Variants in BRWD1 observed in about 807,000 individuals in gnomAD.
BRWD1 encodes bromodomain and WD repeat domain containing 1, also known as bromodomain and WD repeat-containing protein 1.
In BRWD1, 82 loss-of-function variants were observed where a neutral mutation model predicts 251.2. The observed-to-expected ratio is 0.33, with a 90% confidence interval of 0.27 to 0.39. The LOEUF is 0.39. BRWD1 is among the 10% of genes least tolerant of loss of function. The pLI is 1.00. For synonymous variants in BRWD1, 918 were observed against 902.8 expected, an observed-to-expected ratio of 1.02 and a Z score of -0.30; for missense variants, 2,233 against 2,711.6, an observed-to-expected ratio of 0.82 and a Z score of 3.92.
In BRWD1 at chr21:39,192,176, C is replaced by T; in HGVS notation, c.*4083G>A. The T allele has an allele frequency of 1.0e-6, 1 of 985,244 alleles. No individual in the cohort carries two copies. Among genetic ancestry groups the T allele is most frequent in the South Asian group, 4.7e-5 (1 of 21,284 alleles). 61.0% of individuals were successfully genotyped at this position (985,244 alleles called of 1,614,324 possible). ...TTACTTTTGAGAATCCCCATGTATC[C>T]TTGGGCAACATCTCTGTAATTTAAC... On this transcript the variant is annotated 3_prime_UTR_variant, in exon 41 of 41. Coordinates refer to ENST00000342449, the MANE Select transcript of BRWD1 (RefSeq NM_033656.4).
chr21:39,189,805 G>A lies in BRWD1; in HGVS notation c.*6454C>T, dbSNP rs2031451164. The stretch of plus-strand genomic sequence containing the variant: ...ATATATATAGGATATTTCAGGGTTA[G>A]AAGTCAAATTTGTGTGTTAGGGTAC... On this transcript the variant is annotated 3_prime_UTR_variant, in exon 41 of 41. Coordinates refer to ENST00000342449, the MANE Select transcript of BRWD1 (RefSeq NM_033656.4). 4.1e-6 allele frequency: 4 copies of A among 985,186 alleles called. No individual in the cohort carries two copies. The highest frequency in any genetic ancestry group is 3.5e-5 in the African/African-American group (2 of 57,198). The allele number at this position is 985,186 out of a possible 1,614,324, so 61.0% of individuals were successfully genotyped here.
At chr21:39,271,200 G>A (rs2035088122) in intron 13 of BRWD1, among the ~76,000 whole-genome samples, 1 of 152,152 alleles carries the variant, frequency 6.6e-6, no homozygotes, top group African/African-American at 2.4e-5. Context: ...GCTGAGGCAG[G>A]AGAATCATTG....
chr21:39,214,869 A>C (rs2032816032), intron 32 of BRWD1, among the ~76,000 whole-genome samples: 1 of 122,014 alleles, frequency 8.2e-6, no homozygotes, highest in Admixed American at 1.0e-4. Context: ...AAACTAGATG[A>C]TTTTTTTTTC....
chr21:39,314,350 G>C (rs771121178), upstream of BRWD1: 18 of 455,846 alleles, frequency 3.9e-5, no homozygotes, highest in South Asian at 2.6e-4. Flanking sequence ...GCGCTTCGCC[G>C]AGGGGGTGCG....
Position 39,264,900 on chromosome 21 carries a change from T to C in BRWD1, c.1650A>G (p.Pro550=), listed in dbSNP as rs765258328. ...LLIFGFGCSK[P]YEKIPDQMFF... The stretch of plus-strand genomic sequence containing the variant: ...AAGTATTAAAAATGACCTTTTCATA[T>C]GGTTTGCTGCATCCAAAACCAAATA... Residue 550 remains proline, a synonymous_variant, in exon 16 of 41, where the codon CCA becomes CCG. Coordinates refer to ENST00000342449, the MANE Select transcript of BRWD1 (RefSeq NM_033656.4). 5.0e-6 allele frequency: 8 copies of C among 1,611,086 alleles called. No homozygotes were observed. The highest frequency in any genetic ancestry group is 1.3e-5 in the African/African-American group (1 of 74,816).
At chr21:39,225,588 T>C (rs919879776) in intron 27 of BRWD1, among the ~76,000 whole-genome samples, 1 of 152,132 alleles carries the variant, frequency 6.6e-6, no homozygotes, top group East Asian at 1.9e-4. Context: ...GGGATATAGA[T>C]CAACAGTTCT....
chr21:39,185,056 A>G (rs2031134718), downstream of BRWD1: 1 of 152,166 alleles, frequency 6.6e-6, no homozygotes, highest in African/African-American at 2.4e-5. Flanking sequence ...TTCTGCACAC[A>G]TTTCAGAGAG....
Position 39,218,655 on chromosome 21 carries a change from G to A in BRWD1, c.3388C>T (p.Pro1130Ser). The change falls in exon 30 of 41, where the codon CCA becomes TCA. Residue 1130 changes from proline (P) to serine (S), a missense_variant. Physicochemically the swap from Pro to Ser is moderately conservative, Grantham distance 74 (BLOSUM62 -1). Transcript: ENST00000342449. ...DMEPIPDNVDPPEELGASISV... is the reference protein window; with the variant it reads ...DMEPIPDNVDSPEELGASISV... ...ATACTAGCTCCTAATTCTTCAGGTGGATCAACTATGAATACCATAAAAAAC... is the reference window on the plus strand; with the variant it reads ...ATACTAGCTCCTAATTCTTCAGGTGAATCAACTATGAATACCATAAAAAAC... The A allele has an allele frequency of 6.3e-7, 1 of 1,595,356 alleles. No homozygotes were observed.
Position 39,295,848 on chromosome 21 carries a change from A to T in BRWD1, c.504T>A (p.Phe168Leu). The T allele has an allele frequency of 6.2e-7, 1 of 1,609,646 alleles. No individual in the cohort carries two copies. The highest frequency in any genetic ancestry group is 1.7e-5 in the Admixed American group (1 of 59,812). ...LTGCSTFSTA[F>L]PGTMYQHIKM... ...TTATATGCTGATACATAGTTCCTGG[A>T]AATGCTGTACTAAAAGTGGAACACC... Residue 168 changes from phenylalanine to leucine, a missense_variant, in exon 7 of 41, where the codon TTT becomes TTA. By Grantham distance (22) the Phe-to-Leu change is conservative. Transcript: ENST00000342449.
intron 8 of BRWD1, among the ~76,000 whole-genome samples, chr21:39,291,369 A>G (rs1293513569): frequency 6.6e-6 from 1 of 152,188 alleles, no homozygotes; most frequent in Non-Finnish European, 1.5e-5. Flanking sequence ...CAAACATAAA[A>G]TAAAAGCCTT....
At chr21:39,288,220 C>A (rs2035701427) in intron 8 of BRWD1, among the ~76,000 whole-genome samples, 1 of 152,162 alleles carries the variant, frequency 6.6e-6, no homozygotes, top group Admixed American at 6.5e-5. Context: ...TCCCCCAAGA[C>A]CAGTGATTAA....
upstream of BRWD1, chr21:39,314,165 A>G: frequency 2.2e-6 from 1 of 455,944 alleles, no homozygotes. Context: ...AAGCTTTTAA[A>G]GTGAGGATTG....
chr21:39,287,136 T>C (rs892997140), intron 8 of BRWD1, among the ~76,000 whole-genome samples: 35 of 152,212 alleles, frequency 2.3e-4, no homozygotes, highest in African/African-American at 8.4e-4. Flanking sequence ...CTTCGAAAAC[T>C]TACTATTGAT....
At chr21:39,271,446 T>C (rs2035099132) in intron 13 of BRWD1, among the ~76,000 whole-genome samples, 1 of 151,898 alleles carries the variant, frequency 6.6e-6, no homozygotes, top group Non-Finnish European at 1.5e-5. Flanking sequence ...TCCCAGCATT[T>C]TGAGAGGCCG....
intron 17 of BRWD1, among the ~76,000 whole-genome samples, chr21:39,259,024 C>G (rs910914864): frequency 6.6e-6 from 1 of 152,186 alleles, no homozygotes; most frequent in Non-Finnish European, 1.5e-5. Flanking sequence ...CCCAGAGTCT[C>G]TAACTGGAAC....
rs778258332 is a variant in BRWD1, at chr21:39,269,885, CTCACT to C, written c.1530+9_1530+13del. The C allele has an allele frequency of 2.5e-5, 38 of 1,490,978 alleles. No individual in the cohort carries two copies. Among genetic ancestry groups the C allele is most frequent in the Non-Finnish European group, 3.0e-5 (33 of 1,114,048 alleles). 92.4% of individuals were successfully genotyped at this position (1,490,978 alleles called of 1,614,324 possible). A position where few individuals can be genotyped will look rare whatever the true frequency, so the allele number is the denominator to read the frequency against. On this transcript the variant is annotated intron_variant, in intron 15 of 40. Coordinates refer to ENST00000342449, the MANE Select transcript of BRWD1 (RefSeq NM_033656.4). ...TTATCAAGCATGTATCAAGGTACATCTCACTTCACTTACCATATTAAAATAATGTT... is the reference window on the plus strand; with the variant it reads ...TTATCAAGCATGTATCAAGGTACATCTCACTTACCATATTAAAATAATGTT...
intron 8 of BRWD1, among the ~76,000 whole-genome samples, chr21:39,291,307 T>C (rs1432035909): frequency 6.6e-6 from 1 of 152,186 alleles, no homozygotes; most frequent in African/African-American, 2.4e-5. Context: ...ACCACCAGTT[T>C]TCACCAAATT....
intron 5 of BRWD1, chr21:39,297,744 G>A (rs773204286): frequency 9.7e-5 from 47 of 484,284 alleles, no homozygotes; most frequent in South Asian, 8.8e-5. Flanking sequence ...GCAATAGCTC[G>A]TAATAAAAAA....
At chr21:39,266,664 G>A (rs921319562) in intron 15 of BRWD1, among the ~76,000 whole-genome samples, 4 of 152,220 alleles carry the variant, frequency 2.6e-5, no homozygotes, top group African/African-American at 9.6e-5. Flanking sequence ...AACTGGAAGC[G>A]TCCTATACAA....
Sources: allele counts gnomAD v4.1 joint callset (sites outside exome capture counted in the v4.1 genomes callset), GRCh38; gene constraint gnomAD v4.1.1; transcripts MANE v1.5; gene names NCBI Gene and HGNC (gene_info 2026-07-23, HGNC 2026-07-21).